SV2C: variants seen among roughly 807,000 people sequenced by gnomAD.
The protein encoded by SV2C is solute carrier family 22 member B3.
A neutral mutation model predicts 79.7 loss-of-function variants in SV2C; 49 were observed. That is an observed-to-expected ratio of 0.61 (90% CI 0.49 to 0.78). The LOEUF (loss-of-function observed/expected upper bound fraction) is 0.78, where lower values mean the gene tolerates loss of function less well. Among genes scored for constraint, SV2C ranks in the 30% least tolerant of loss-of-function variants. SV2C has a pLI of 0.00. For missense variants in SV2C, 833 were observed against 912.9 expected (o/e 0.91, Z 1.13); for synonymous variants, 334 against 333.2 (o/e 1.00, Z -0.03).
At chr5:75,905,481 G>A in the SV2C span, among the ~76,000 whole-genome samples, 1 of 152,210 alleles carries the variant, frequency 6.6e-6, no homozygotes, top group Admixed American at 6.5e-5. Context: ...CTTTGGTGGT[G>A]TATTGCTTTG....
intron 12 of SV2C, among the ~76,000 whole-genome samples, chr5:76,312,264 G>T (rs868526775): frequency 2.2e-3 from 298 of 132,844 alleles, no homozygotes; most frequent in African/African-American, 6.9e-3. Flanking sequence ...TTTTTTTTTT[G>T]GGGGGGGGGA....
At chr5:76,243,019 A>T in intron 4 of SV2C, among the ~76,000 whole-genome samples, 1 of 143,102 alleles carries the variant, frequency 7.0e-6, no homozygotes, top group East Asian at 2.2e-4. Context: ...ATCTAAAAAA[A>T]AAAAAAAAAA....
At chr5:76,263,046 C>T (rs2972821) in intron 4 of SV2C, among the ~76,000 whole-genome samples, 73,301 of 151,846 alleles carry the variant, frequency 0.48, 17,981 homozygotes, top group South Asian at 0.54. Flanking sequence ...AAGTCTTCCA[C>T]TATTATTGTG....
chr5:76,185,553 C>T (rs188031411), intron 2 of SV2C, among the ~76,000 whole-genome samples: 122 of 152,368 alleles, frequency 8.0e-4, no homozygotes, highest in African/African-American at 2.5e-3. Flanking sequence ...TGTGCATCCC[C>T]AGGCCCAACA....
the SV2C span, among the ~76,000 whole-genome samples, chr5:75,868,499 A>G: frequency 8.7e-3 from 1,320 of 152,326 alleles, 17 homozygotes; most frequent in African/African-American, 0.03. Context: ...ACCAGACCAA[A>G]CAAACAAAAA....
At chr5:75,898,866 G>T in the SV2C span, among the ~76,000 whole-genome samples, 1 of 152,136 alleles carries the variant, frequency 6.6e-6, no homozygotes, top group African/African-American at 2.4e-5. Context: ...AGAGGTGTTT[G>T]TAGTATTCTC....
chr5:75,924,560 C>T, the SV2C span, among the ~76,000 whole-genome samples: 6 of 152,186 alleles, frequency 3.9e-5, no homozygotes, highest in Admixed American at 1.3e-4. Context: ...CTAGAATCTA[C>T]ATCTTACATC....
the SV2C span, among the ~76,000 whole-genome samples, chr5:75,973,563 T>C: frequency 1.3e-5 from 2 of 151,856 alleles, no homozygotes; most frequent in South Asian, 4.2e-4. Flanking sequence ...GGTCAGCTTA[T>C]CAATTGAAAG....
upstream of SV2C, chr5:76,078,540 C>T (rs562147360): frequency 4.2e-5 from 12 of 287,766 alleles, no homozygotes; most frequent in Middle Eastern, 1.1e-3. Flanking sequence ...ACAAGACGAA[C>T]ATTGGTAGAC....
chr5:76,177,221 TATA>T, intron 2 of SV2C, among the ~76,000 whole-genome samples: 2 of 53,512 alleles, frequency 3.7e-5, no homozygotes, highest in African/African-American at 1.2e-4. Context: ...TATATACAAA[TATA>T]TTAATCTGTA....
intron 4 of SV2C, among the ~76,000 whole-genome samples, chr5:76,256,598 C>T (rs1436695840): frequency 6.6e-6 from 1 of 152,170 alleles, no homozygotes; most frequent in African/African-American, 2.4e-5. Context: ...GCCTTTGTTA[C>T]TTCTGTAAAT....
chr5:76,097,160 C>T (rs986122371), intron 1 of SV2C, among the ~76,000 whole-genome samples: 5 of 152,110 alleles, frequency 3.3e-5, no homozygotes, highest in South Asian at 2.1e-4. Flanking sequence ...CCTTGCATGT[C>T]GCACAGTTTT....
chr5:75,969,030 T>A, the SV2C span, among the ~76,000 whole-genome samples: 5 of 152,146 alleles, frequency 3.3e-5, no homozygotes, highest in Admixed American at 6.5e-5. Context: ...TCAACATTCT[T>A]AAACAAAAGA....
At chr5:75,980,004 C>T in the SV2C span, among the ~76,000 whole-genome samples, 1,593 of 151,950 alleles carry the variant, frequency 0.01, 22 homozygotes, top group African/African-American at 0.036. Flanking sequence ...AGACAGAAGA[C>T]GCAAATAAAC....
chr5:76,055,504 A>G, the SV2C span, among the ~76,000 whole-genome samples: 1 of 152,082 alleles, frequency 6.6e-6, no homozygotes, highest in Non-Finnish European at 1.5e-5. Flanking sequence ...TCCATATAAA[A>G]TTTAAAGTAG....
chr5:76,150,198 C>CTT lies in SV2C; in HGVS notation c.580+17883_580+17884dup, dbSNP rs397998189. Among the ~76,000 whole-genome samples the CTT allele has an allele frequency of 2.1e-4, 26 of 122,442 alleles. No individual in the cohort carries two copies. In the South Asian group the frequency reaches 5.6e-3, roughly 26 times the overall value. The allele number at this position is 122,442 out of a possible 152,430, so 80.3% of individuals were successfully genotyped here. A position where few individuals can be genotyped will look rare whatever the true frequency, so the allele number is the denominator to read the frequency against. On this transcript the variant is annotated intron_variant, in intron 2 of 12. Transcript: ENST00000502798. ...GTCCCTTTATCTGTTGATTTAATAT[C>CTT]TTTTTTTTTTTTTTTTGAGACAGAC...
At position 76,291,201 on chromosome 5, in the gene SV2C, T is replaced by G. The variant is rs746579238; in HGVS notation, c.1138-20T>G. 6.3e-7 allele frequency: 1 copy of G among 1,580,876 alleles called. No homozygotes were observed. Among genetic ancestry groups the G allele is most frequent in the Admixed American group, 1.8e-5 (1 of 56,460 alleles). On this transcript the variant is annotated intron_variant, in intron 6 of 12. Transcript: ENST00000502798. ...CTTCAGAGAAGGTAACTTAGCGCTT[T>G]GGTCTGTTTCTCTCTACAGGTAAAC...
chr5:76,122,444 G>C (rs1274040093), intron 1 of SV2C, among the ~76,000 whole-genome samples: 1 of 151,902 alleles, frequency 6.6e-6, no homozygotes, highest in East Asian at 1.9e-4. Flanking sequence ...TCCCTGTCTT[G>C]TGCCAGTTTT....
rs912119757 is a variant in SV2C at position 76,177,163 on chromosome 5, TAATC to T, written c.581-17752_581-17749del. Among the ~76,000 whole-genome samples the T allele has an allele frequency of 4.5e-4, 67 of 148,538 alleles. 1 individual carries two copies. The highest frequency in any genetic ancestry group is 1.2e-3 in the African/African-American group (48 of 40,834). On this transcript the variant is annotated intron_variant, in intron 2 of 12. Transcript: ENST00000502798. ...AAAGTACAGAAGTGTATATATTTAA[TAATC>T]AATTATATTAATCAATATATTATAT... is the stretch of plus-strand genomic sequence containing the variant.
Sources: gnomAD v4.1 joint callset for allele counts (sites outside exome capture counted in the v4.1 genomes callset) on GRCh38, gnomAD v4.1.1 for gene constraint, MANE v1.5 for transcripts, NCBI Gene and HGNC (gene_info 2026-07-23, HGNC 2026-07-21) for gene names.